Variants in NAV3 observed in about 807,000 individuals in gnomAD.
The protein encoded by NAV3 is neuron navigator 3.
A neutral mutation model predicts 244.7 loss-of-function variants in NAV3; 87 were observed. That is an observed-to-expected ratio of 0.36 (90% CI 0.30 to 0.42). The LOEUF is 0.42. Ranked by LOEUF, NAV3 falls within the 20% of genes least tolerant of loss-of-function variation. The pLI is 1.00. For synonymous variants in NAV3, 1,126 were observed against 1,042.2 expected (o/e 1.08, Z -1.55); for missense variants, 2,663 against 2,893.3 (o/e 0.92, Z 1.83).
intron 2 of NAV3, among the ~76,000 whole-genome samples, chr12:77,619,460 A>G (rs892144496): frequency 3.9e-5 from 6 of 152,066 alleles, no homozygotes; most frequent in Non-Finnish European, 8.8e-5. Context: ...AATTTTCTCT[A>G]TTGGTAAAGT....
intron 2 of NAV3, among the ~76,000 whole-genome samples, chr12:77,722,199 T>C (rs986427289): frequency 3.3e-5 from 5 of 152,070 alleles, no homozygotes; most frequent in Non-Finnish European, 7.4e-5. Context: ...GAAGGAAAGG[T>C]ATAAAAATGA....
chr12:77,703,918 C>T (rs1263562998), intron 2 of NAV3, among the ~76,000 whole-genome samples: 2 of 152,150 alleles, frequency 1.3e-5, no homozygotes, highest in Admixed American at 1.3e-4. Context: ...TTTAATATGA[C>T]TCCTGGCTTA....
intron 18 of NAV3, among the ~76,000 whole-genome samples, chr12:78,132,893 C>G (rs566366859): frequency 6.6e-6 from 1 of 152,232 alleles, no homozygotes; most frequent in African/African-American, 2.4e-5. Context: ...ATCCTTCTCT[C>G]TACTCTAGCA....
chr12:78,150,990 T>C (rs1029102961), intron 22 of NAV3, among the ~76,000 whole-genome samples: 5 of 151,870 alleles, frequency 3.3e-5, no homozygotes, highest in African/African-American at 1.2e-4. Flanking sequence ...TCTGTGGCTT[T>C]AAAATATCAC....
chr12:77,911,651 A>G (rs1452434221), intron 1 of NAV3, among the ~76,000 whole-genome samples: 1 of 152,132 alleles, frequency 6.6e-6, no homozygotes, highest in Admixed American at 6.6e-5. Flanking sequence ...GTGAAAAATT[A>G]CTCATAAGAG....
At chr12:78,059,685 T>TA (rs568828596) in intron 12 of NAV3, among the ~76,000 whole-genome samples, 128 of 152,296 alleles carry the variant, frequency 8.4e-4, no homozygotes, top group African/African-American at 3.0e-3. Flanking sequence ...GATTTTTTTT[T>TA]AATTTCAGGT....
intron 2 of NAV3, among the ~76,000 whole-genome samples, chr12:77,629,740 G>C (rs1871800826): frequency 6.6e-6 from 1 of 152,014 alleles, no homozygotes; most frequent in African/African-American, 2.4e-5. Context: ...GTAAACTTTT[G>C]TACATTAGTT....
chr12:78,142,657 G>A (rs1956665490), intron 20 of NAV3, among the ~76,000 whole-genome samples: 1 of 131,640 alleles, frequency 7.6e-6, no homozygotes. Context: ...TTAAAATAGA[G>A]TATGTATATA....
intron 9 of NAV3, among the ~76,000 whole-genome samples, chr12:78,032,722 A>G (rs1388739508): frequency 6.6e-6 from 1 of 152,164 alleles, no homozygotes; most frequent in Admixed American, 6.6e-5. Context: ...GGCTGAATTA[A>G]TGGTACAGAT....
intron 2 of NAV3, among the ~76,000 whole-genome samples, chr12:77,762,267 G>A (rs935263250): frequency 3.9e-5 from 6 of 152,162 alleles, no homozygotes; most frequent in Admixed American, 3.3e-4. Context: ...ATCACACATC[G>A]GGGCCTGTCG....
In NAV3 at chr12:78,180,996, A is replaced by G. The variant is rs775237401; in HGVS notation, c.5643A>G (p.Ser1881=). Residue 1881 remains serine, a synonymous_variant, in exon 30 of 40, where the codon TCA becomes TCG. Transcript: ENST00000397909. ...SSTSSSSSRQ[S]LGLSLNNLNI... is the part of the protein sequence containing the mutation. The stretch of plus-strand genomic sequence containing the variant: ...CCTCCTCTTCATCTTCCAGGCAGTC[A>G]TTAGGACTTTCTCTAAACAATTTGA... The G allele has an allele frequency of 1.2e-6, 2 of 1,613,266 alleles. No homozygotes were observed. The highest frequency in any genetic ancestry group is 1.7e-6 in the Non-Finnish European group (2 of 1,179,454).
chr12:78,049,277 A>C (rs1386360822), intron 9 of NAV3, among the ~76,000 whole-genome samples: 1 of 151,400 alleles, frequency 6.6e-6, no homozygotes, highest in African/African-American at 2.4e-5. Flanking sequence ...GAAAAAAAAA[A>C]CTCCTGCAGC....
intron 2 of NAV3, among the ~76,000 whole-genome samples, chr12:77,657,781 TG>T (rs1413990146): frequency 6.6e-6 from 1 of 152,142 alleles, no homozygotes; most frequent in Non-Finnish European, 1.5e-5. Flanking sequence ...GCTTCATCCC[TG>T]GGATGCAAGG....
chr12:77,882,070 C>A lies in NAV3; in HGVS notation c.243+50366C>A, dbSNP rs560835736. Among the ~76,000 whole-genome samples, 4 of 152,026 alleles carry A rather than the reference C, an allele frequency of 2.6e-5. No individual in the cohort carries two copies. The South Asian group carries it at 6.2e-4, about 24-fold the overall frequency. On this transcript the variant is annotated intron_variant, in intron 1 of 39. Transcript: ENST00000397909. ...TGGAATTTTTCATAGAATTAGAAAA[C>A]AAACTATTCTAAAATTCACATGGAA...
At chr12:78,184,399 TTTTATTTTTGAGTGGAGTAGGTGAAA>T (rs1340799377) in intron 30 of NAV3, among the ~76,000 whole-genome samples, 1 of 151,504 alleles carries the variant, frequency 6.6e-6, no homozygotes, top group African/African-American at 2.4e-5. Flanking sequence ...TAAGGAAGAG[TTTTATTTTTGAGTGGAGTAGGTGAAA>T]AGGTGAAAGA....
intron 5 of NAV3, among the ~76,000 whole-genome samples, chr12:77,976,520 G>A (rs1050991605): frequency 8.6e-5 from 13 of 151,790 alleles, no homozygotes; most frequent in African/African-American, 2.9e-4. Flanking sequence ...TGCAGAAAGC[G>A]TTCAATGGAG....
intron 1 of NAV3, among the ~76,000 whole-genome samples, chr12:77,928,221 T>G (rs1323538593): frequency 4.8e-5 from 1 of 20,958 alleles, no homozygotes; most frequent in Non-Finnish European, 8.2e-5. Context: ...AGGCTCCGCC[T>G]CAAAAAAAAA....
chr12:78,052,284 T>C (rs977392687), intron 11 of NAV3: 6 of 152,198 alleles, frequency 3.9e-5, no homozygotes, highest in Admixed American at 2.0e-4. Context: ...TCCCAATACC[T>C]ACTAGTCCAT....
chr12:78,078,896 G>A (rs1357392431), intron 12 of NAV3, among the ~76,000 whole-genome samples: 2 of 152,152 alleles, frequency 1.3e-5, no homozygotes, highest in African/African-American at 4.8e-5. Context: ...TAGCAAGAGA[G>A]AAGTATTTAG....
Sources: gnomAD v4.1 joint callset for allele counts (sites outside exome capture counted in the v4.1 genomes callset) on GRCh38, gnomAD v4.1.1 for gene constraint, MANE v1.5 for transcripts, NCBI Gene and HGNC (gene_info 2026-07-23, HGNC 2026-07-21) for gene names.